The following GALNTL6 variants were observed in gnomAD, a reference collection of about 807,000 sequenced individuals.
GALNTL6 encodes the protein polypeptide N-acetylgalactosaminyltransferase like 6, also known as polypeptide N-acetylgalactosaminyltransferase-like 6.
GALNTL6 carries 46 observed loss-of-function variants against 73.7 expected under a neutral mutation model. That is an observed-to-expected ratio of 0.62 (90% confidence interval 0.49 to 0.80). GALNTL6 has a LOEUF of 0.80. Among genes scored for constraint, GALNTL6 ranks in the 30% least tolerant of loss-of-function variants. The pLI is 0.00. For missense variants in GALNTL6, 604 were observed against 755.0 expected, an observed-to-expected ratio of 0.80 and a Z score of 2.34; for synonymous variants, 259 against 263.7, an observed-to-expected ratio of 0.98 and a Z score of 0.17.
intron 5 of GALNTL6, among the ~76,000 whole-genome samples, chr4:172,385,265 G>A (rs1031055685): frequency 6.6e-6 from 1 of 151,850 alleles, no homozygotes; most frequent in Non-Finnish European, 1.5e-5. Flanking sequence ...TGCTATGATT[G>A]CGTATTCTAT....
At chr4:172,986,408 G>A (rs960443802) in intron 10 of GALNTL6, among the ~76,000 whole-genome samples, 2 of 152,244 alleles carry the variant, frequency 1.3e-5, no homozygotes, top group Admixed American at 1.3e-4. Context: ...AGGAGTGAAA[G>A]TCCGAGCTTC....
intron 10 of GALNTL6, among the ~76,000 whole-genome samples, chr4:172,962,385 A>G (rs1422412677): frequency 6.6e-6 from 1 of 152,234 alleles, no homozygotes; most frequent in Non-Finnish European, 1.5e-5. Flanking sequence ...TAACTAAACA[A>G]GACTTTATTC....
intron 2 of GALNTL6, among the ~76,000 whole-genome samples, chr4:171,903,331 A>G (rs7692877): frequency 0.036 from 5,457 of 152,092 alleles, 307 homozygotes; most frequent in African/African-American, 0.12. Flanking sequence ...CCTCACTCGG[A>G]AAGCACAAGG....
intron 3 of GALNTL6, among the ~76,000 whole-genome samples, chr4:172,249,997 G>C (rs767138263): frequency 3.9e-5 from 6 of 152,140 alleles, no homozygotes; most frequent in Non-Finnish European, 8.8e-5. Context: ...CCAGACCCTA[G>C]AATGGCAGAT....
At chr4:171,989,936 T>C (rs201955254) in intron 2 of GALNTL6, among the ~76,000 whole-genome samples, 23 of 147,398 alleles carry the variant, frequency 1.6e-4, no homozygotes, top group Admixed American at 5.4e-4. Flanking sequence ...ACCTTGACTA[T>C]GCCTTTAGCT....
At chr4:172,906,187 A>T (rs1161017191) in intron 8 of GALNTL6, among the ~76,000 whole-genome samples, 1 of 152,136 alleles carries the variant, frequency 6.6e-6, no homozygotes, top group East Asian at 1.9e-4. Flanking sequence ...TAAGAGATAT[A>T]GATAGATGTG....
At chr4:172,999,421 A>T (rs1751945699) in intron 10 of GALNTL6, among the ~76,000 whole-genome samples, 1 of 152,148 alleles carries the variant, frequency 6.6e-6, no homozygotes, top group Non-Finnish European at 1.5e-5. Flanking sequence ...TATTAGCAAA[A>T]TTGTATCCAC....
At chr4:172,593,520 G>A (rs552620442) in intron 5 of GALNTL6, among the ~76,000 whole-genome samples, 6 of 152,184 alleles carry the variant, frequency 3.9e-5, no homozygotes, top group South Asian at 4.1e-4. Context: ...TTTCTTCACC[G>A]ACCACTCTAT....
At chr4:171,890,153 A>C (rs1366279360) in intron 2 of GALNTL6, among the ~76,000 whole-genome samples, 1 of 152,112 alleles carries the variant, frequency 6.6e-6, no homozygotes, top group Non-Finnish European at 1.5e-5. Context: ...GTCTATACCA[A>C]AAGCAATCAC....
chr4:171,907,882 C>T (rs1168349274), intron 2 of GALNTL6, among the ~76,000 whole-genome samples: 1 of 151,968 alleles, frequency 6.6e-6, no homozygotes, highest in African/African-American at 2.4e-5. Context: ...CTGAGAAAAA[C>T]AAGCAATGGG....
At chr4:172,772,969 G>A (rs1017470992) in intron 5 of GALNTL6, among the ~76,000 whole-genome samples, 5 of 152,214 alleles carry the variant, frequency 3.3e-5, no homozygotes, top group African/African-American at 9.7e-5. Flanking sequence ...ATGGCCACAA[G>A]CCAAACAATG....
intron 5 of GALNTL6, among the ~76,000 whole-genome samples, chr4:172,377,001 T>TGAG: frequency 6.6e-6 from 1 of 152,082 alleles, no homozygotes; most frequent in Middle Eastern, 3.4e-3. Context: ...ACCAAAAGGG[T>TGAG]GAGCAGCAGC....
intron 2 of GALNTL6, among the ~76,000 whole-genome samples, chr4:171,904,204 G>T: frequency 6.6e-6 from 1 of 152,164 alleles, no homozygotes. Flanking sequence ...CCAAGCTACA[G>T]GAGGACATTC....
At chr4:172,805,675 G>A (rs1316055125) in intron 5 of GALNTL6, among the ~76,000 whole-genome samples, 1 of 151,918 alleles carries the variant, frequency 6.6e-6, no homozygotes, top group Non-Finnish European at 1.5e-5. Flanking sequence ...AATTAAAGAA[G>A]TTCAAAAGTG....
At chr4:172,861,339 G>C (rs757634352) in intron 7 of GALNTL6, among the ~76,000 whole-genome samples, 54 of 151,542 alleles carry the variant, frequency 3.6e-4, no homozygotes, top group Non-Finnish European at 6.8e-4. Flanking sequence ...GTGTGTGTGT[G>C]TGTGTGTGTG....
chr4:172,319,137 T>A (rs867290369), intron 4 of GALNTL6, among the ~76,000 whole-genome samples: 1 of 152,084 alleles, frequency 6.6e-6, no homozygotes, highest in African/African-American at 2.4e-5. Flanking sequence ...AAAGAATGAG[T>A]CTGTAAGAAA....
chr4:172,259,858 CT>C (rs1468726921), intron 3 of GALNTL6, among the ~76,000 whole-genome samples: 1 of 151,332 alleles, frequency 6.6e-6, no homozygotes, highest in African/African-American at 2.4e-5. Flanking sequence ...CATTTGTTGA[CT>C]ATGGTATCCT....
chr4:172,486,137 AT>A (rs1733658096), intron 5 of GALNTL6, among the ~76,000 whole-genome samples: 1 of 152,180 alleles, frequency 6.6e-6, no homozygotes, highest in Admixed American at 6.5e-5. Flanking sequence ...AAATATTTTA[AT>A]TTTTTATTCT....
intron 2 of GALNTL6, among the ~76,000 whole-genome samples, chr4:171,925,246 C>T (rs1737941149): frequency 6.6e-6 from 1 of 152,084 alleles, no homozygotes; most frequent in Non-Finnish European, 1.5e-5. Context: ...AAGGATTTTA[C>T]CTAAGGATGT....
Sources: gnomAD v4.1 joint callset for allele counts (sites outside exome capture counted in the v4.1 genomes callset) on GRCh38, gnomAD v4.1.1 for gene constraint, MANE v1.5 for transcripts, NCBI Gene and HGNC (gene_info 2026-07-23, HGNC 2026-07-21) for gene names.